Variants in CHL1 observed in about 807,000 individuals in gnomAD.
The protein encoded by CHL1 is cell adhesion molecule L1 like, also known as neural cell adhesion molecule L1-like protein.
A neutral mutation model predicts 141.9 loss-of-function variants in CHL1; 96 were observed. That is an observed-to-expected ratio of 0.68 (90% CI 0.57 to 0.80). The LOEUF (loss-of-function observed/expected upper bound fraction) is 0.80. CHL1 is among the 30% of genes least tolerant of loss of function. The pLI, the probability that CHL1 is intolerant of heterozygous loss-of-function variation, is 0.00. For missense variants in CHL1, 1,820 were observed against 1,457.2 expected, an observed-to-expected ratio of 1.25 and a Z score of -4.05; for synonymous variants, 613 against 502.2, an observed-to-expected ratio of 1.22 and a Z score of -2.95.
chr3:338,579 A>C (rs1368082324), intron 5 of CHL1, among the ~76,000 whole-genome samples: 2 of 152,196 alleles, frequency 1.3e-5, no homozygotes, highest in East Asian at 3.8e-4. Context: ...TTCAGAGTCA[A>C]AGGATAAGAC....
chr3:387,842 A>AT lies in CHL1; in HGVS notation c.2248-1400dup, dbSNP rs937918430. On this transcript the variant is annotated intron_variant, in intron 19 of 27. Coordinates refer to ENST00000256509, the MANE Select transcript of CHL1 (RefSeq NM_006614.4). ...CTCAGAAAGTTTTCATTTTGTTTTG[A>AT]TTTTTTTTTTCCCTCAGTTAGTTTA... 1.1e-3 allele frequency among the ~76,000 whole-genome samples: 172 copies of AT among 150,546 alleles called. 1 individual carries two copies. The highest frequency in any genetic ancestry group is 4.9e-3 in the East Asian group (25 of 5,134).
chr3:224,346 T>C (rs768782434), intron 1 of CHL1, among the ~76,000 whole-genome samples: 2 of 152,202 alleles, frequency 1.3e-5, no homozygotes, highest in African/African-American at 4.8e-5. Context: ...TTCTCTTTGA[T>C]ATAGTTTGAA....
At chr3:331,512 G>A (rs1277536727) in intron 5 of CHL1, among the ~76,000 whole-genome samples, 1 of 152,096 alleles carries the variant, frequency 6.6e-6, no homozygotes, top group Non-Finnish European at 1.5e-5. Context: ...AAAGTGCTGG[G>A]ATTACAGGCA....
intron 5 of CHL1, among the ~76,000 whole-genome samples, chr3:335,113 T>C (rs938513432): frequency 2.0e-5 from 3 of 152,230 alleles, no homozygotes; most frequent in Non-Finnish European, 4.4e-5. Flanking sequence ...CTCAGGACAA[T>C]TTCCTTAAGA....
chr3:371,871 G>C (rs1214966185), intron 15 of CHL1, among the ~76,000 whole-genome samples: 1 of 152,062 alleles, frequency 6.6e-6, no homozygotes, highest in Non-Finnish European at 1.5e-5. Flanking sequence ...GTGAAGCTTA[G>C]TTTGACAGGA....
chr3:344,469 ACAC>A, intron 8 of CHL1, 117 bp from the exon 9 acceptor site: 1 of 291,352 alleles, frequency 3.4e-6, no homozygotes, highest in South Asian at 5.2e-5. Flanking sequence ...TGTATAGAAC[ACAC>A]ACACACACAC....
At chr3:208,948 ATTGCCAAAACAATGCTTATT>A (rs1699673667) in intron 1 of CHL1, among the ~76,000 whole-genome samples, 1 of 152,212 alleles carries the variant, frequency 6.6e-6, no homozygotes, top group South Asian at 2.1e-4. Flanking sequence ...TTTCTCACGT[ATTGCCAAAACAATGCTTATT>A]TTCCTCTGAT....
intron 2 of CHL1, among the ~76,000 whole-genome samples, chr3:315,155 A>G (rs1700066075): frequency 6.6e-6 from 1 of 152,176 alleles, no homozygotes; most frequent in Non-Finnish European, 1.5e-5. Context: ...CACTAGTATT[A>G]GCAAATTTTA....
At chr3:236,020 T>C (rs934515499) in intron 1 of CHL1, among the ~76,000 whole-genome samples, 3 of 152,156 alleles carry the variant, frequency 2.0e-5, no homozygotes, top group Non-Finnish European at 4.4e-5. Flanking sequence ...GCAACATGCT[T>C]GAAACATGGC....
chr3:209,856 C>T (rs1343809916), intron 1 of CHL1, among the ~76,000 whole-genome samples: 6 of 152,210 alleles, frequency 3.9e-5, no homozygotes, highest in African/African-American at 1.4e-4. Context: ...CCGTTGTTTA[C>T]AGATAGGATT....
chr3:253,004 T>C (rs1368483410), intron 2 of CHL1, among the ~76,000 whole-genome samples: 1 of 152,116 alleles, frequency 6.6e-6, no homozygotes, highest in Non-Finnish European at 1.5e-5. Flanking sequence ...TAGGAACATA[T>C]GCTTTGGAGA....
At chr3:379,839 A>G (rs1706808950) in intron 16 of CHL1, among the ~76,000 whole-genome samples, 1 of 152,180 alleles carries the variant, frequency 6.6e-6, no homozygotes, top group South Asian at 2.1e-4. Flanking sequence ...CTGATTTACC[A>G]AAGCATCTCT....
intron 27 of CHL1, among the ~76,000 whole-genome samples, chr3:402,374 G>A (rs181253653): frequency 6.6e-5 from 10 of 152,212 alleles, no homozygotes; most frequent in Admixed American, 2.0e-4. Context: ...GGAATCTTTC[G>A]GGGACGTGTT....
Position 238,149 on chromosome 3 carries a change from A to G in CHL1, c.-174-6464A>G, listed in dbSNP as rs183551962. ...CCTCATGTATCATTTTCCTTTTTAA[A>G]AGATACAGTCATTCAAATTTGTATT... On this transcript the variant is annotated intron_variant, in intron 1 of 27. Coordinates refer to ENST00000256509, the MANE Select transcript of CHL1 (RefSeq NM_006614.4). Among the ~76,000 whole-genome samples, 93 of 152,288 alleles carry G rather than the reference A, an allele frequency of 6.1e-4. 1 individual carries two copies. The highest frequency in any genetic ancestry group is 4.4e-3 in the Admixed American group (67 of 15,280).
chr3:262,344 C>T (rs1410517462), intron 2 of CHL1, among the ~76,000 whole-genome samples: 1 of 21,498 alleles, frequency 4.7e-5, no homozygotes, highest in Non-Finnish European at 7.1e-5. Flanking sequence ...TAGATCTACA[C>T]AGTACTCACA....
At position 259,271 on chromosome 3, in the gene CHL1, C is replaced by T. The variant is rs1356913388; in HGVS notation, c.-95+14579C>T. ...TGTGTATCTGTAGTGTGTGTGTGCACACGTGCGTGTGTGTGCTTGTGTGTG... is the reference window on the plus strand; with the variant it reads ...TGTGTATCTGTAGTGTGTGTGTGCATACGTGCGTGTGTGTGCTTGTGTGTG... On this transcript the variant is annotated intron_variant, in intron 2 of 27. Coordinates refer to ENST00000256509, the MANE Select transcript of CHL1 (RefSeq NM_006614.4). 2.0e-5 allele frequency among the ~76,000 whole-genome samples: 3 copies of T among 151,600 alleles called. No homozygotes were observed. In the South Asian group the frequency reaches 6.3e-4, roughly 32 times the overall value.
chr3:290,349 T>A (rs535282299), intron 2 of CHL1, among the ~76,000 whole-genome samples: 3 of 152,256 alleles, frequency 2.0e-5, no homozygotes, highest in African/African-American at 7.2e-5. Context: ...ACAAATATTG[T>A]GAGTATTAAT....
intron 2 of CHL1, 32 bp from the exon 3 acceptor site, chr3:319,651 G>T: frequency 3.1e-5 from 15 of 478,652 alleles, no homozygotes; most frequent in East Asian, 8.5e-5. Context: ...TAGAGTTTGT[G>T]AACTAACATG....
chr3:315,227 A>G (rs1700070557), intron 2 of CHL1, among the ~76,000 whole-genome samples: 1 of 152,158 alleles, frequency 6.6e-6, no homozygotes, highest in Non-Finnish European at 1.5e-5. Context: ...GCTATACAGC[A>G]GCAACTATCA....
Sources: gnomAD v4.1 joint callset for allele counts (sites outside exome capture counted in the v4.1 genomes callset) on GRCh38, gnomAD v4.1.1 for gene constraint, MANE v1.5 for transcripts, NCBI Gene and HGNC (gene_info 2026-07-23, HGNC 2026-07-21) for gene names.